WDR12: variants seen among roughly 807,000 people sequenced by gnomAD.
WDR12 encodes WD repeat domain 12.
A neutral mutation model predicts 64.3 loss-of-function variants in WDR12; 42 were observed. That is an observed-to-expected ratio of 0.65 (90% confidence interval 0.51 to 0.84). WDR12 has a LOEUF of 0.84. WDR12 is among the 40% of genes least tolerant of loss of function. The pLI, the probability that WDR12 is intolerant of heterozygous loss-of-function variation, is 0.00. For synonymous variants in WDR12, 158 were observed against 173.3 expected, an observed-to-expected ratio of 0.91 and a Z score of 0.70; for missense variants, 469 against 494.6, an observed-to-expected ratio of 0.95 and a Z score of 0.49.
intron 8 of WDR12, among the ~76,000 whole-genome samples, chr2:202,886,824 AC>A (rs1229611195): frequency 6.6e-6 from 1 of 151,662 alleles, no homozygotes; most frequent in Non-Finnish European, 1.5e-5. Context: ...TAGTCAATCT[AC>A]TTTTATATAA....
At chr2:202,900,731 C>T (rs888920101) in intron 3 of WDR12, among the ~76,000 whole-genome samples, 2 of 152,026 alleles carry the variant, frequency 1.3e-5, no homozygotes, top group South Asian at 2.1e-4. Context: ...GCCAGTTCTT[C>T]CACAAATATA....
rs746837754 is a variant in WDR12 at position 202,899,486 on chromosome 2, T to C, written c.338+45A>G. ...ATGGATTTAAAAAGACTGAAGGAGG[T>C]AAAAACAAAACAAAAAAAAGAGAAG... On this transcript the variant is annotated intron_variant, in intron 4 of 12. Transcript: ENST00000261015. The C allele has an allele frequency of 3.9e-6, 6 of 1,548,430 alleles. No individual in the cohort carries two copies. The East Asian group carries it at 1.4e-4, about 35-fold the overall frequency.
chr2:202,903,505 G>GAAGGA (rs1559163910), intron 2 of WDR12, among the ~76,000 whole-genome samples: 4 of 104,632 alleles, frequency 3.8e-5, no homozygotes, highest in African/African-American at 1.8e-4. Context: ...GGAAGGAAGT[G>GAAGGA]AGGGAGGGAG....
chr2:202,890,872 T>C (rs11686331), intron 8 of WDR12, among the ~76,000 whole-genome samples: 13 of 151,724 alleles, frequency 8.6e-5, no homozygotes, highest in Non-Finnish European at 1.8e-4. Context: ...CTCAAGCCTG[T>C]AATCCCAGAA....
At chr2:202,896,364 C>A (rs1300907776) in intron 5 of WDR12, 145 bp from the exon 6 acceptor site, 1 of 867,278 alleles carries the variant, frequency 1.2e-6, no homozygotes, top group Non-Finnish European at 1.7e-6. Context: ...TTTTAAAAGG[C>A]TGATGTGGTA....
rs199592545 is a variant in WDR12, at chr2:202,880,847, T to C, written c.*13A>G. ...TACAGAAATAATCTCTATAGTCAAA[T>C]TATTGTTCACTTTCATGCCCCAACA... is the stretch of plus-strand genomic sequence containing the variant. On this transcript the variant is annotated 3_prime_UTR_variant, in exon 13 of 13. Coordinates refer to ENST00000261015, the MANE Select transcript of WDR12 (RefSeq NM_018256.4). 6.2e-7 allele frequency: 1 copy of C among 1,603,134 alleles called. No individual in the cohort carries two copies. The highest frequency in any genetic ancestry group is 2.2e-5 in the East Asian group (1 of 44,532).
In WDR12 at chr2:202,894,638, T is replaced by TATAA; in HGVS notation, c.610-13_610-12insTTAT. ...GAGCCACTGCAAAACTAAACAGATG[T>TATAA]ATATGAAGGGAAAAGACATATGTAA... On this transcript the variant is annotated splice_polypyrimidine_tract_variant and intron_variant, in intron 6 of 12. Coordinates refer to ENST00000261015, the MANE Select transcript of WDR12 (RefSeq NM_018256.4). The TATAA allele has an allele frequency of 6.2e-7, 1 of 1,603,820 alleles. No individual in the cohort carries two copies. The highest frequency in any genetic ancestry group is 8.5e-7 in the Non-Finnish European group (1 of 1,174,900).
In WDR12 at chr2:202,884,427, C is replaced by G. The variant is rs747618294; in HGVS notation, c.850G>C (p.Asp284His). ...ASWDHTIRVWDVESGSLKSTL... is the reference protein window; with the variant it reads ...ASWDHTIRVWHVESGSLKSTL... ...GACTTAAGACTGCCAGACTCAACAT[C>G]CCACACTCTAATTGTATGGTCCCAA... The change falls in exon 9 of 13, where the codon GAT (aspartate) becomes CAT (histidine). Residue 284 changes from aspartate (D) to histidine (H), a missense_variant. Transcript: ENST00000261015. The G allele has an allele frequency of 1.9e-6, 3 of 1,614,182 alleles. No individual in the cohort carries two copies. The South Asian group carries it at 3.3e-5, about 18-fold the overall frequency.
chr2:202,911,553 G>T lies in WDR12; in HGVS notation c.-77C>A. 7.3e-7 allele frequency: 1 copy of T among 1,376,658 alleles called. No individual in the cohort carries two copies. Among genetic ancestry groups the T allele is most frequent in the Non-Finnish European group, 1.0e-6 (1 of 964,316 alleles). The allele number at this position is 1,376,658 out of a possible 1,614,324, so 85.3% of individuals were successfully genotyped here. On this transcript the variant is annotated 5_prime_UTR_variant, in exon 1 of 13. Coordinates refer to ENST00000261015, the MANE Select transcript of WDR12 (RefSeq NM_018256.4). ...ACAACACGAAGCTCCTGCCTTTTAAGACTACAAAGAGGCAGCTCAAAATTA... is the reference window on the plus strand; with the variant it reads ...ACAACACGAAGCTCCTGCCTTTTAATACTACAAAGAGGCAGCTCAAAATTA...
At position 202,884,215 on chromosome 2, in the gene WDR12, C is replaced by T; in HGVS notation, c.971G>A (p.Trp324Ter). 18 of 1,613,050 alleles carry T rather than the reference C, an allele frequency of 1.1e-5. No individual in the cohort carries two copies. Among genetic ancestry groups the T allele is most frequent in the Non-Finnish European group, 1.5e-5 (18 of 1,180,002 alleles). The change falls in exon 10 of 13, where the codon TGG (tryptophan) becomes TAG (stop). Residue 324 changes from tryptophan to a stop codon, truncating the protein, a stop_gained. Coordinates refer to ENST00000261015, the MANE Select transcript of WDR12 (RefSeq NM_018256.4). LOFTEE classifies it high-confidence loss of function. ...TGACTCACCTTTAGTTCGGGGATCC[C>T]ACAGTCTGATATGCCTATCTGTGCT... ...SGSTDRHIRL[W>*]DPRTKDGSLV...
At chr2:202,885,274 C>A (rs890559500) in intron 8 of WDR12, among the ~76,000 whole-genome samples, 1 of 152,172 alleles carries the variant, frequency 6.6e-6, no homozygotes, top group Admixed American at 6.6e-5. Context: ...TCCCTTGCTG[C>A]CTATCTGTAA....
intron 10 of WDR12, 169 bp downstream of exon 10, chr2:202,884,029 T>G: frequency 1.5e-6 from 1 of 686,298 alleles, no homozygotes; most frequent in Admixed American, 3.0e-5. Flanking sequence ...GCCAGGCTGA[T>G]CTCCAACTCC....
intron 4 of WDR12, among the ~76,000 whole-genome samples, chr2:202,897,786 G>A (rs927364499): frequency 1.3e-5 from 2 of 148,158 alleles, no homozygotes; most frequent in African/African-American, 5.0e-5. Flanking sequence ...CTACTCAGGA[G>A]GCTGGGGCAG....
At chr2:202,884,591 C>T in intron 8 of WDR12, 56 bp from the exon 9 acceptor site, 1 of 1,540,396 alleles carries the variant, frequency 6.5e-7, no homozygotes, top group Non-Finnish European at 8.7e-7. Context: ...ATAATTGAAA[C>T]AATAATAGTA....
At chr2:202,882,835 AC>A (rs754275654) in intron 11 of WDR12, 52 bp from the exon 12 acceptor site, 1 of 1,553,462 alleles carries the variant, frequency 6.4e-7, no homozygotes, top group African/African-American at 1.4e-5. Flanking sequence ...GTTAAAACAA[AC>A]ATTTGAATAA....
intron 2 of WDR12, among the ~76,000 whole-genome samples, chr2:202,903,743 A>T (rs758142197): frequency 2.0e-5 from 3 of 152,200 alleles, no homozygotes; most frequent in African/African-American, 7.2e-5. Context: ...AAAAGAAATC[A>T]AGAAAGTATT....
chr2:202,893,279 T>C (rs1349756749), intron 7 of WDR12, among the ~76,000 whole-genome samples: 3 of 152,122 alleles, frequency 2.0e-5, no homozygotes, highest in Non-Finnish European at 4.4e-5. Context: ...TATAGTAACA[T>C]GCATATTATG....
Position 202,899,531 on chromosome 2 carries a change from C to T in WDR12, c.338G>A (p.Trp113Ter). The T allele has an allele frequency of 3.1e-6, 5 of 1,612,526 alleles. No individual in the cohort carries two copies. Among genetic ancestry groups the T allele is most frequent in the Non-Finnish European group, 4.2e-6 (5 of 1,179,236 alleles). ...GAGAAGGGCATTAATCTGGCAATAC[C>T]ATTCCTCTGCCCCTTTAATTGAACT... ...WISSIKGAEE[W>*]ILTGSYDKTS... Residue 113 changes from tryptophan (W) to a stop codon, truncating the protein, a stop_gained and splice_region_variant, in exon 4 of 13, where the codon TGG becomes TAG. Transcript: ENST00000261015. LOFTEE classifies it high-confidence loss of function.
chr2:202,900,647 C>A (rs1054318281), intron 3 of WDR12, among the ~76,000 whole-genome samples: 6 of 152,026 alleles, frequency 3.9e-5, no homozygotes, highest in African/African-American at 1.4e-4. Flanking sequence ...AGTAACTTAA[C>A]CCATAGTTTT....
Sources: allele counts gnomAD v4.1 joint callset (sites outside exome capture counted in the v4.1 genomes callset), GRCh38; gene constraint gnomAD v4.1.1; transcripts MANE v1.5; gene names NCBI Gene and HGNC (gene_info 2026-07-23, HGNC 2026-07-21).